The following CRPPA variants were observed in gnomAD, a reference collection of about 807,000 sequenced individuals.
CRPPA encodes the protein CDP-L-ribitol pyrophosphorylase A.
CRPPA carries 43 observed loss-of-function variants against 52.0 expected under a neutral mutation model. The ratio of observed to expected loss-of-function variants is 0.83; its 90% CI spans 0.65 to 1.07. CRPPA has a LOEUF of 1.07. Ranked by LOEUF, CRPPA falls within the 50% of genes least tolerant of loss-of-function variation. The pLI is 0.00. For synonymous variants in CRPPA, 250 were observed against 203.5 expected, an observed-to-expected ratio of 1.23 and a Z score of -1.94; for missense variants, 629 against 551.7, an observed-to-expected ratio of 1.14 and a Z score of -1.40.
chr7:16,165,765 T>C (rs1265944752), intron 9 of CRPPA, among the ~76,000 whole-genome samples: 2 of 152,222 alleles, frequency 1.3e-5, no homozygotes, highest in Non-Finnish European at 2.9e-5. Flanking sequence ...GTTATAAAAA[T>C]TATCAGCACC....
intron 3 of CRPPA, among the ~76,000 whole-genome samples, chr7:16,375,543 C>G (rs931007249): frequency 1.3e-5 from 2 of 152,082 alleles, no homozygotes; most frequent in Non-Finnish European, 2.9e-5. Flanking sequence ...AGATAACTTA[C>G]CATAGTACAT....
intron 9 of CRPPA, among the ~76,000 whole-genome samples, chr7:16,124,552 G>A (rs1782539141): frequency 6.6e-6 from 1 of 152,154 alleles, no homozygotes; most frequent in Admixed American, 6.6e-5. Flanking sequence ...ATAAAGAGTA[G>A]AATAGTGGTT....
chr7:16,147,468 T>C (rs1317339602), intron 9 of CRPPA, among the ~76,000 whole-genome samples: 2 of 152,190 alleles, frequency 1.3e-5, no homozygotes, highest in Admixed American at 1.3e-4. Flanking sequence ...AACAAATCCT[T>C]TGTTGAATGC....
intron 6 of CRPPA, among the ~76,000 whole-genome samples, chr7:16,264,440 A>T (rs1458607576): frequency 6.6e-6 from 1 of 152,210 alleles, no homozygotes; most frequent in Admixed American, 6.5e-5. Context: ...TTTACCGTAA[A>T]CTAAATGCAA....
At chr7:16,217,972 T>G (rs1157921432) in intron 8 of CRPPA, among the ~76,000 whole-genome samples, 3 of 149,776 alleles carry the variant, frequency 2.0e-5, no homozygotes, top group Non-Finnish European at 1.5e-5. Flanking sequence ...GAAGAGCAAC[T>G]CCAAGACACA....
At chr7:16,124,868 T>G (rs1562516161) in intron 9 of CRPPA, among the ~76,000 whole-genome samples, 1 of 151,392 alleles carries the variant, frequency 6.6e-6, no homozygotes, top group Non-Finnish European at 1.5e-5. Context: ...AATTTTAAAA[T>G]AAAAAAATAT....
chr7:16,139,656 C>CT (rs1782829892), intron 9 of CRPPA, among the ~76,000 whole-genome samples: 1 of 152,088 alleles, frequency 6.6e-6, no homozygotes, highest in Non-Finnish European at 1.5e-5. Flanking sequence ...CTATCTTTCT[C>CT]TTTCAACTTG....
chr7:16,403,298 C>G (rs775168293), intron 2 of CRPPA, among the ~76,000 whole-genome samples: 43 of 152,300 alleles, frequency 2.8e-4, no homozygotes, highest in Admixed American at 2.0e-3. Flanking sequence ...AAAAGAAAAA[C>G]TGGGTCCTTG....
chr7:16,353,131 G>T (rs1035202371), intron 3 of CRPPA, among the ~76,000 whole-genome samples: 7 of 152,024 alleles, frequency 4.6e-5, no homozygotes, highest in African/African-American at 1.7e-4. Context: ...CAAGCAGAGA[G>T]AATTGCTTGA....
At chr7:16,375,237 C>T (rs1212725248) in intron 3 of CRPPA, among the ~76,000 whole-genome samples, 1 of 152,104 alleles carries the variant, frequency 6.6e-6, no homozygotes. Flanking sequence ...TCCTTATGGC[C>T]ACTCTTCTAT....
intron 2 of CRPPA, among the ~76,000 whole-genome samples, chr7:16,380,118 C>T (rs1342929056): frequency 6.6e-6 from 1 of 150,582 alleles, no homozygotes; most frequent in Non-Finnish European, 1.5e-5. Flanking sequence ...ATGATATTGG[C>T]TGTGGGTTTG....
intron 8 of CRPPA, among the ~76,000 whole-genome samples, chr7:16,249,319 T>A (rs750059843): frequency 1.6e-4 from 25 of 152,034 alleles, no homozygotes; most frequent in Non-Finnish European, 1.9e-4. Flanking sequence ...AACTTAAACG[T>A]CCCCGCCTGA....
intron 9 of CRPPA, among the ~76,000 whole-genome samples, chr7:16,168,487 C>G (rs933043907): frequency 6.6e-6 from 1 of 150,776 alleles, no homozygotes; most frequent in African/African-American, 2.4e-5. Context: ...CTAATTAAGT[C>G]TGAATAAATT....
At chr7:16,243,281 C>T (rs1464441597) in intron 8 of CRPPA, among the ~76,000 whole-genome samples, 1 of 152,112 alleles carries the variant, frequency 6.6e-6, no homozygotes, top group South Asian at 2.1e-4. Context: ...CTGAAGCCTC[C>T]CCAGCCATGT....
chr7:16,270,820 T>C (rs538324443), intron 6 of CRPPA, among the ~76,000 whole-genome samples: 2 of 152,170 alleles, frequency 1.3e-5, no homozygotes, highest in South Asian at 2.1e-4. Flanking sequence ...AAAATAACTG[T>C]TTTGGATAGG....
chr7:16,399,566 GT>G (rs1299513434), intron 2 of CRPPA, among the ~76,000 whole-genome samples: 24 of 151,824 alleles, frequency 1.6e-4, no homozygotes, highest in East Asian at 1.9e-4. Context: ...GACATGACAC[GT>G]TTGTGACATG....
chr7:16,401,375 G>C (rs1787814128), intron 2 of CRPPA, among the ~76,000 whole-genome samples: 1 of 152,158 alleles, frequency 6.6e-6, no homozygotes, highest in South Asian at 2.1e-4. Flanking sequence ...GGAAAGAATG[G>C]TCAGAGGAAA....
chr7:16,099,429 G>A (rs1336546105), intron 9 of CRPPA, among the ~76,000 whole-genome samples: 2 of 139,770 alleles, frequency 1.4e-5, no homozygotes, highest in East Asian at 4.4e-4. Flanking sequence ...GGAGGGAAGG[G>A]GAGGGAAAAA....
intron 3 of CRPPA, among the ~76,000 whole-genome samples, chr7:16,365,693 G>C (rs530464183): frequency 6.6e-6 from 1 of 152,264 alleles, no homozygotes; most frequent in African/African-American, 2.4e-5. Flanking sequence ...TGAGGCCTAA[G>C]TGTGAAATGG....
Sources: gnomAD v4.1 joint callset for allele counts (sites outside exome capture counted in the v4.1 genomes callset) on GRCh38, gnomAD v4.1.1 for gene constraint, MANE v1.5 for transcripts, NCBI Gene and HGNC (gene_info 2026-07-23, HGNC 2026-07-21) for gene names.